BAIAP2: variants seen among roughly 807,000 people sequenced by gnomAD.
BAIAP2 encodes BAR/IMD domain-containing adapter protein 2.
In BAIAP2, 18 loss-of-function variants were observed where a neutral mutation model predicts 63.0. The ratio of observed to expected loss-of-function variants is 0.29; its 90% CI spans 0.20 to 0.42. The LOEUF is 0.42. BAIAP2 is among the 10% of genes least tolerant of loss of function. The pLI, the probability that BAIAP2 is intolerant of heterozygous loss-of-function variation, is 1.00. For synonymous variants in BAIAP2, 386 were observed against 307.6 expected, an observed-to-expected ratio of 1.25 and a Z score of -2.67; for missense variants, 610 against 734.3, an observed-to-expected ratio of 0.83 and a Z score of 1.96.
intron 3 of BAIAP2, among the ~76,000 whole-genome samples, chr17:81,070,063 G>A (rs1159184930): frequency 3.3e-5 from 5 of 152,140 alleles, no homozygotes; most frequent in Admixed American, 6.5e-5. Context: ...GGGCTCAAGC[G>A]ATCCTCCCAC....
At chr17:81,084,762 A>G in intron 3 of BAIAP2, 70 bp from the exon 4 acceptor site, 2 of 1,515,450 alleles carry the variant, frequency 1.3e-6, no homozygotes, top group Non-Finnish European at 1.8e-6. Context: ...CTGTCAGCCC[A>G]GAGTGGGATG....
Position 81,104,564 on chromosome 17 carries a change from C to T in BAIAP2, c.1117C>T (p.Arg373Cys), listed in dbSNP as rs144299493. ...GAGCTCCATGGCAGCCGGCCTGGAG[C>T]GCAATGGCCGTATGCGGGTGAAGGC... is the stretch of plus-strand genomic sequence containing the variant. The part of the protein sequence containing the change: ...RSSSMAAGLE[R>C]NGRMRVKAIF... Residue 373 changes from arginine (R) to cysteine (C), a missense_variant, in exon 10 of 14, where the codon CGC (arginine) becomes TGC (cysteine). Arg to Cys is a radical substitution (Grantham distance 180). This residue lies in a region of BAIAP2 where 67 missense variants were observed against 132.0 expected (regional missense o/e 0.51). Coordinates refer to ENST00000428708, the MANE Select transcript of BAIAP2 (RefSeq NM_001144888.2). 21 of 1,611,220 alleles carry T rather than the reference C, an allele frequency of 1.3e-5. No individual in the cohort carries two copies. Among genetic ancestry groups the T allele is most frequent in the African/African-American group, 4.0e-5 (3 of 74,882 alleles).
At chr17:81,085,493 G>A (rs764221969) in intron 4 of BAIAP2, 161 bp from the exon 5 acceptor site, 6 of 707,148 alleles carry the variant, frequency 8.5e-6, no homozygotes, top group East Asian at 2.7e-5. Context: ...GGGTGCACAC[G>A]GGCATGCGGG....
intron 3 of BAIAP2, among the ~76,000 whole-genome samples, chr17:81,080,058 C>T (rs1364347620): frequency 6.6e-6 from 1 of 152,236 alleles, no homozygotes; most frequent in Non-Finnish European, 1.5e-5. Context: ...AGGACACAGG[C>T]AACCGCGGAC....
intron 4 of BAIAP2, chr17:81,085,430 C>G (rs8080815): frequency 7.4e-6 from 5 of 675,576 alleles, no homozygotes; most frequent in East Asian, 5.5e-5. Flanking sequence ...TGTTTGGAGG[C>G]GAGATTGTCC....
intron 3 of BAIAP2, among the ~76,000 whole-genome samples, chr17:81,074,358 A>T (rs1449782309): frequency 6.6e-6 from 1 of 150,534 alleles, no homozygotes; most frequent in Non-Finnish European, 1.5e-5. Context: ...GCACTGGTAC[A>T]TGTGTCACTG....
chr17:81,049,577 G>A (rs1253208720), intron 1 of BAIAP2, among the ~76,000 whole-genome samples: 2 of 152,194 alleles, frequency 1.3e-5, no homozygotes, highest in African/African-American at 4.8e-5. Context: ...AGGGCGTCTG[G>A]GCGTCTGAGC....
rs149912964 is a variant in BAIAP2 at position 81,102,475 on chromosome 17, C to T, written c.643-1027C>T. 5.9e-3 allele frequency among the ~76,000 whole-genome samples: 897 copies of T among 152,276 alleles called. 39 individuals are homozygous for T. Among genetic ancestry groups the T allele is most frequent in the Admixed American group, 0.054 (822 of 15,302 alleles). On this transcript the variant is annotated intron_variant, in intron 7 of 13. Transcript: ENST00000428708. ...TTGGCTCTGTGGGCCGTGCCGTCTC[C>T]AGCTCTGTTACTGCAATGTGAGGGC...
In BAIAP2 at chr17:81,062,717, T is replaced by C. The variant is rs558334574; in HGVS notation, c.217+4750T>C. Among the ~76,000 whole-genome samples the C allele has an allele frequency of 3.8e-4, 56 of 148,194 alleles. 1 individual carries two copies. The highest frequency in any genetic ancestry group is 1.3e-4 in the Non-Finnish European group (9 of 67,376). On this transcript the variant is annotated intron_variant, in intron 3 of 13. Coordinates refer to ENST00000428708, the MANE Select transcript of BAIAP2 (RefSeq NM_001144888.2). ...TTTTTTTTTTTTTCGGTTAGGTTTC[T>C]GAGTGGGTGAACGGGGAATGTGTTT... is the stretch of plus-strand genomic sequence containing the variant.
At chr17:81,115,677 A>G in intron 13 of BAIAP2, 93 bp from the exon 14 acceptor site, 1 of 1,461,128 alleles carries the variant, frequency 6.8e-7, no homozygotes, top group South Asian at 1.2e-5. Context: ...GGCATCCAGC[A>G]CTGGGGAATC....
Position 81,046,934 on chromosome 17 carries a change from T to C in BAIAP2, c.55-6734T>C, listed in dbSNP as rs184678686. Among the ~76,000 whole-genome samples, 6 of 152,300 alleles carry C rather than the reference T, an allele frequency of 3.9e-5. No individual in the cohort carries two copies. Among genetic ancestry groups the C allele is most frequent in the Admixed American group, 2.0e-4 (3 of 15,294 alleles). On this transcript the variant is annotated intron_variant, in intron 1 of 13. Coordinates refer to ENST00000428708, the MANE Select transcript of BAIAP2 (RefSeq NM_001144888.2). The surrounding 1 kb of genome is among the most constrained non-coding windows in gnomAD (Gnocchi z 4.5). ...GGGCTGGGGGAAGCCCCTCTGGCAC[T>C]GCCGGCCCCGCAGCTGCCACCGGCT...
intron 3 of BAIAP2, among the ~76,000 whole-genome samples, chr17:81,072,330 C>G: frequency 6.6e-6 from 1 of 152,238 alleles, no homozygotes; most frequent in East Asian, 1.9e-4. Context: ...CGCAGCCCGG[C>G]CTGACCCATG....
At chr17:81,070,029 A>G (rs1374132771) in intron 3 of BAIAP2, among the ~76,000 whole-genome samples, 3 of 152,068 alleles carry the variant, frequency 2.0e-5, no homozygotes, top group African/African-American at 4.8e-5. Context: ...TGGCGCAGTC[A>G]TACATAGCTC....
chr17:81,078,771 G>T (rs1056714625), intron 3 of BAIAP2, among the ~76,000 whole-genome samples: 2 of 152,074 alleles, frequency 1.3e-5, no homozygotes, highest in Non-Finnish European at 2.9e-5. Flanking sequence ...CTCCTCTCTG[G>T]CTGTGCTCTC....
intron 3 of BAIAP2, among the ~76,000 whole-genome samples, chr17:81,073,584 G>C (rs564977261): frequency 6.6e-6 from 1 of 152,134 alleles, no homozygotes; most frequent in African/African-American, 2.4e-5. Context: ...GTTTGCCCTC[G>C]CAGATGAGGA....
At chr17:81,111,214 G>T (rs147908217) in intron 13 of BAIAP2, among the ~76,000 whole-genome samples, 1 of 152,254 alleles carries the variant, frequency 6.6e-6, no homozygotes, top group African/African-American at 2.4e-5. Context: ...TCACTGCTGG[G>T]TGTGGCTCTG....
chr17:81,114,177 T>C lies in BAIAP2; in HGVS notation c.1536-1593T>C, dbSNP rs548807325. Among the ~76,000 whole-genome samples, 8 of 148,816 alleles carry C rather than the reference T, an allele frequency of 5.4e-5. No individual in the cohort carries two copies. In the East Asian group the frequency reaches 1.6e-3, roughly 29 times the overall value. ...TTTTGTAGAGACGGGTACGCTTTGC[T>C]GCCCAGGCTGGTCTTGAACTCCAGG... On this transcript the variant is annotated intron_variant, in intron 13 of 13. Transcript: ENST00000428708.
intron 13 of BAIAP2, among the ~76,000 whole-genome samples, chr17:81,113,171 G>A (rs1308807931): frequency 6.6e-6 from 1 of 152,232 alleles, no homozygotes. Context: ...TCTGCATTCT[G>A]AGGCCAGCGC....
At chr17:81,086,393 T>C in intron 5 of BAIAP2, 50 bp from the exon 6 acceptor site, 4 of 1,602,196 alleles carry the variant, frequency 2.5e-6, no homozygotes, top group Non-Finnish European at 3.4e-6. Flanking sequence ...TGGTCCGCGC[T>C]GCGTTGGGTT....
Sources: allele counts gnomAD v4.1 joint callset (sites outside exome capture counted in the v4.1 genomes callset), GRCh38; gene constraint gnomAD v4.1.1; regional missense constraint gnomAD v4.1.1; non-coding constraint Gnocchi (gnomAD v3.1); transcripts MANE v1.5; gene names NCBI Gene and HGNC (gene_info 2026-07-23, HGNC 2026-07-21).